UVRAG: variants seen among roughly 807,000 people sequenced by gnomAD.
The protein encoded by UVRAG is UV radiation resistance-associated gene protein.
In UVRAG, 19 loss-of-function variants were observed where a neutral mutation model predicts 78.0. The ratio of observed to expected loss-of-function variants is 0.24; its 90% CI spans 0.17 to 0.36. UVRAG has a LOEUF of 0.36. Ranked by LOEUF, UVRAG falls within the 10% of genes least tolerant of loss-of-function variation. The pLI is 1.00. For synonymous variants in UVRAG, 323 were observed against 324.6 expected (o/e 1.00, Z 0.05); for missense variants, 740 against 853.8 (o/e 0.87, Z 1.66).
chr11:76,043,517 T>C (rs192637719), intron 12 of UVRAG, among the ~76,000 whole-genome samples: 1 of 152,326 alleles, frequency 6.6e-6, no homozygotes, highest in East Asian at 1.9e-4. Flanking sequence ...TTATATGTTC[T>C]AGAGGACACC....
At chr11:76,095,679 G>A (rs1437995373) in intron 13 of UVRAG, among the ~76,000 whole-genome samples, 1 of 151,394 alleles carries the variant, frequency 6.6e-6, no homozygotes, top group Non-Finnish European at 1.5e-5. Flanking sequence ...ACCAGCTCGG[G>A]CAACATAGTG....
chr11:75,960,949 A>G (rs181562706), intron 6 of UVRAG, among the ~76,000 whole-genome samples: 1 of 152,060 alleles, frequency 6.6e-6, no homozygotes, highest in Non-Finnish European at 1.5e-5. Context: ...TGTCTTTTCT[A>G]TCATCTTTTG....
chr11:76,035,691 A>G (rs1035340729), intron 12 of UVRAG, among the ~76,000 whole-genome samples: 6 of 152,208 alleles, frequency 3.9e-5, no homozygotes, highest in African/African-American at 1.4e-4. Context: ...ACAACAATTA[A>G]AAATGTTCTG....
chr11:75,878,671 T>C (rs566769524), intron 3 of UVRAG, among the ~76,000 whole-genome samples: 1,567 of 152,220 alleles, frequency 0.01, 20 homozygotes, highest in Non-Finnish European at 0.016. Flanking sequence ...CCAGCCCGGC[T>C]AACACAGGGA....
At chr11:75,827,078 T>A (rs1163753135) in intron 1 of UVRAG, among the ~76,000 whole-genome samples, 2 of 151,756 alleles carry the variant, frequency 1.3e-5, no homozygotes, top group African/African-American at 4.8e-5. Flanking sequence ...AAGCTGAAAC[T>A]AGCAGCAACC....
At chr11:75,999,293 T>A (rs1949766018) in intron 8 of UVRAG, among the ~76,000 whole-genome samples, 1 of 151,802 alleles carries the variant, frequency 6.6e-6, no homozygotes, top group African/African-American at 2.4e-5. Context: ...TGTGGGCTTA[T>A]AGCATACATA....
intron 5 of UVRAG, among the ~76,000 whole-genome samples, chr11:75,904,608 A>G (rs1947577272): frequency 6.6e-6 from 1 of 152,158 alleles, no homozygotes; most frequent in Admixed American, 6.5e-5. Context: ...AAAAGGTCCT[A>G]GAGATCATCA....
At chr11:76,046,668 G>A (rs1443538802) in intron 12 of UVRAG, among the ~76,000 whole-genome samples, 1 of 152,162 alleles carries the variant, frequency 6.6e-6, no homozygotes. Context: ...AGGTATTTTG[G>A]AAGAGGTGGG....
chr11:75,971,012 C>T (rs754394151), intron 7 of UVRAG, among the ~76,000 whole-genome samples: 28 of 152,282 alleles, frequency 1.8e-4, no homozygotes, highest in African/African-American at 6.7e-4. Flanking sequence ...CTATCCTCCA[C>T]GTGTTCATCC....
intron 11 of UVRAG, among the ~76,000 whole-genome samples, chr11:76,014,785 T>C (rs1171468503): frequency 2.0e-5 from 3 of 152,226 alleles, no homozygotes; most frequent in Non-Finnish European, 4.4e-5. Context: ...TGAAAGTTTC[T>C]CTTAGTTCTA....
chr11:76,044,539 A>T (rs1312676971), intron 12 of UVRAG, among the ~76,000 whole-genome samples: 3 of 152,370 alleles, frequency 2.0e-5, no homozygotes, highest in Non-Finnish European at 4.4e-5. Context: ...TGGGAGGCTG[A>T]GGCGGGCAGA....
rs139859669 is a variant in UVRAG at position 75,954,602 on chromosome 11, C to A, written c.594-6842C>A. Among the ~76,000 whole-genome samples the A allele has an allele frequency of 2.3e-3, 351 of 152,288 alleles. 1 individual carries two copies. Among genetic ancestry groups the A allele is most frequent in the African/African-American group, 8.2e-3 (339 of 41,558 alleles). ...CTTCCAATTAATCTCCCACTGATGT[C>A]AAAAATGTCAAATTTTGGGACTGTG... is the stretch of plus-strand genomic sequence containing the variant. On this transcript the variant is annotated intron_variant, in intron 6 of 14. Coordinates refer to ENST00000356136, the MANE Select transcript of UVRAG (RefSeq NM_003369.4).
intron 14 of UVRAG, among the ~76,000 whole-genome samples, chr11:76,132,137 T>C (rs890305637): frequency 5.3e-5 from 8 of 152,232 alleles, no homozygotes; most frequent in African/African-American, 1.9e-4. Flanking sequence ...TTATTGCTTT[T>C]TAACACAGTT....
chr11:75,988,462 G>A (rs542254075), intron 8 of UVRAG, among the ~76,000 whole-genome samples: 2 of 152,294 alleles, frequency 1.3e-5, no homozygotes, highest in Admixed American at 6.5e-5. Context: ...TCATTGCTGA[G>A]TAGTATTCAC....
chr11:75,906,672 C>T (rs1947622562), intron 5 of UVRAG, among the ~76,000 whole-genome samples: 1 of 152,094 alleles, frequency 6.6e-6, no homozygotes. Context: ...ACAGTTAAGT[C>T]TTTGATTCAT....
intron 12 of UVRAG, among the ~76,000 whole-genome samples, chr11:76,048,371 A>T (rs1040964755): frequency 1.3e-5 from 2 of 152,264 alleles, no homozygotes; most frequent in Non-Finnish European, 2.9e-5. Context: ...AATAACAAAT[A>T]TGAGGCTATA....
At chr11:75,989,431 T>C (rs1234882347) in intron 8 of UVRAG, among the ~76,000 whole-genome samples, 9 of 152,208 alleles carry the variant, frequency 5.9e-5, no homozygotes, top group Admixed American at 4.6e-4. Context: ...GGAGCCGTTA[T>C]AGGGCTCACG....
chr11:75,925,870 A>T (rs1948088751), intron 6 of UVRAG, among the ~76,000 whole-genome samples: 1 of 152,192 alleles, frequency 6.6e-6, no homozygotes, highest in African/African-American at 2.4e-5. Flanking sequence ...AGCTTGCAAA[A>T]GTTGAGTAGT....
chr11:76,036,066 G>T (rs1460039711), intron 12 of UVRAG, among the ~76,000 whole-genome samples: 2 of 152,182 alleles, frequency 1.3e-5, no homozygotes, highest in African/African-American at 4.8e-5. Flanking sequence ...CTCGATAATT[G>T]ACTGGAAAGA....
Sources: gnomAD v4.1 joint callset for allele counts (sites outside exome capture counted in the v4.1 genomes callset) on GRCh38, gnomAD v4.1.1 for gene constraint, MANE v1.5 for transcripts, NCBI Gene and HGNC (gene_info 2026-07-23, HGNC 2026-07-21) for gene names.